Variants in CCDC141 observed in about 807,000 individuals in gnomAD.
CCDC141 encodes coiled-coil domain-containing protein 141.
Under a neutral mutation model 181.0 loss-of-function variants are expected in CCDC141, and 168 were observed. That is an observed-to-expected ratio of 0.93 (90% CI 0.82 to 1.05). The LOEUF is 1.05. Among genes scored for constraint, CCDC141 ranks in the 50% least tolerant of loss-of-function variants. The pLI is 0.00. For missense variants in CCDC141, 1,902 were observed against 1,788.5 expected (o/e 1.06, Z -1.14); for synonymous variants, 666 against 642.3 (o/e 1.04, Z -0.56).
intron 11 of CCDC141, among the ~76,000 whole-genome samples, chr2:178,884,325 G>C (rs7578159): frequency 0.32 from 48,123 of 151,212 alleles, 9,022 homozygotes; most frequent in East Asian, 0.67. Context: ...ATCACACACA[G>C]AAAAACTGCT....
At chr2:178,847,472 C>T (rs1270063603) in intron 21 of CCDC141, among the ~76,000 whole-genome samples, 7 of 152,004 alleles carry the variant, frequency 4.6e-5, no homozygotes, top group Admixed American at 1.3e-4. Flanking sequence ...TCGAGGCTGC[C>T]GTGAGCCATG....
intron 11 of CCDC141, among the ~76,000 whole-genome samples, chr2:178,883,056 T>C (rs1686703569): frequency 6.6e-6 from 1 of 152,166 alleles, no homozygotes. Context: ...TTGATTAAAT[T>C]GTTGTTTGCA....
At chr2:178,909,883 C>T (rs1049654103) in intron 7 of CCDC141, among the ~76,000 whole-genome samples, 9 of 152,052 alleles carry the variant, frequency 5.9e-5, no homozygotes, top group South Asian at 2.1e-4. Flanking sequence ...AAACCTTATA[C>T]GTGCAAGTCA....
In CCDC141 at chr2:179,049,828, T is replaced by C. The variant is rs143681328; in HGVS notation, c.102+12A>G. 1.4e-4 allele frequency: 217 copies of C among 1,550,622 alleles called. No homozygotes were observed. In the African/African-American group the frequency reaches 2.6e-3, roughly 19 times the overall value. On this transcript the variant is annotated intron_variant, in intron 1 of 23. Transcript: ENST00000443758. ...CCACAGCCGCACAGAAAAAAGGAAG[T>C]TGTTAGCTTACCTTTATGACAGCTA...
rs554714800 is a variant in CCDC141, at chr2:178,929,782, A to G, written c.898-10875T>C. ...TTCATTGTGCAATTATTTCCCTCAT[A>G]ACCTTTGTTATCCAAAAGGGAGCCC... On this transcript the variant is annotated intron_variant, in intron 6 of 23. Coordinates refer to ENST00000443758, the MANE Select transcript of CCDC141 (RefSeq NM_173648.4). 5.3e-5 allele frequency among the ~76,000 whole-genome samples: 8 copies of G among 152,218 alleles called. No individual in the cohort carries two copies. In the South Asian group the frequency reaches 8.3e-4, roughly 16 times the overall value.
chr2:178,995,843 T>G (rs1053017114), intron 2 of CCDC141, among the ~76,000 whole-genome samples: 2 of 152,216 alleles, frequency 1.3e-5, no homozygotes, highest in Admixed American at 1.3e-4. Flanking sequence ...GATATTTGAT[T>G]CTTGTGTGAC....
At chr2:178,969,104 CAAAAAAA>C (rs55999054) in intron 4 of CCDC141, among the ~76,000 whole-genome samples, 2 of 51,172 alleles carry the variant, frequency 3.9e-5, no homozygotes, top group East Asian at 6.6e-4. Context: ...GCTTACCAAC[CAAAAAAA>C]AAAAAAAAAA....
At chr2:178,963,573 C>T (rs1690497229) in intron 4 of CCDC141, among the ~76,000 whole-genome samples, 1 of 151,758 alleles carries the variant, frequency 6.6e-6, no homozygotes, top group African/African-American at 2.4e-5. Flanking sequence ...GGGATGCACT[C>T]AACTACAGCA....
At chr2:178,835,562 G>A (rs1684442935) in intron 23 of CCDC141, among the ~76,000 whole-genome samples, 1 of 152,150 alleles carries the variant, frequency 6.6e-6, no homozygotes, top group African/African-American at 2.4e-5. Context: ...GGTATCCTAA[G>A]AATGTATGAT....
rs2043627339 is a variant in CCDC141, at chr2:179,049,966, C to T, written c.-25G>A. 6.5e-7 allele frequency: 1 copy of T among 1,550,288 alleles called. No individual in the cohort carries two copies. Among genetic ancestry groups the T allele is most frequent in the Non-Finnish European group, 8.7e-7 (1 of 1,146,776 alleles). ...TGGTACTTTAGAACCAGAGTTTATA[C>T]TTTGGGCAGCCTCTGGACAGTTGTG... On this transcript the variant is annotated 5_prime_UTR_variant, in exon 1 of 24. Transcript: ENST00000443758.
chr2:178,865,173 C>T (rs552889977), intron 17 of CCDC141, among the ~76,000 whole-genome samples: 35 of 152,216 alleles, frequency 2.3e-4, no homozygotes, highest in Non-Finnish European at 4.9e-4. Context: ...TCACTTTGAT[C>T]TGTTATTTCT....
intron 2 of CCDC141, among the ~76,000 whole-genome samples, chr2:178,984,071 T>C (rs1314913185): frequency 1.3e-5 from 2 of 151,898 alleles, no homozygotes; most frequent in East Asian, 3.9e-4. Flanking sequence ...GAGAGAAAGG[T>C]CGGGTTACCC....
At position 178,832,858 on chromosome 2, in the gene CCDC141, C is replaced by T. The variant is rs1461736989; in HGVS notation, c.*1315G>A. ...TTAAAATCTAAGAAGCAAATGCTTC[C>T]CTACTTCAAGCTTATTTTTAAAAGG... On this transcript the variant is annotated 3_prime_UTR_variant, in exon 24 of 24. Coordinates refer to ENST00000443758, the MANE Select transcript of CCDC141 (RefSeq NM_173648.4). 4 of 151,994 alleles carry T rather than the reference C, an allele frequency of 2.6e-5. No individual in the cohort carries two copies. The highest frequency in any genetic ancestry group is 4.4e-5 in the Non-Finnish European group (3 of 67,992). 9.4% of individuals were successfully genotyped at this position (151,994 alleles called of 1,614,324 possible). A position where few individuals can be genotyped will look rare whatever the true frequency, so the allele number is the denominator to read the frequency against.
intron 2 of CCDC141, among the ~76,000 whole-genome samples, chr2:179,035,015 A>C (rs549577393): frequency 1.3e-5 from 2 of 152,294 alleles, no homozygotes; most frequent in East Asian, 3.9e-4. Context: ...AGGACAGTTC[A>C]AATATCAGTT....
chr2:178,909,079 T>C (rs754290712), intron 7 of CCDC141, among the ~76,000 whole-genome samples: 49 of 152,334 alleles, frequency 3.2e-4, no homozygotes, highest in Middle Eastern at 3.4e-3. Context: ...GGTCTCATCT[T>C]TATTGGAATT....
chr2:179,015,379 A>ATCTCATATATGTATCATATATC (rs1262987933), intron 2 of CCDC141, among the ~76,000 whole-genome samples: 2,851 of 127,528 alleles, frequency 0.022, 236 homozygotes, highest in African/African-American at 0.09. Context: ...TATCATATAT[A>ATCTCATATATGTATCATATATC]TCTCATATAT....
rs1689659475 is a variant in CCDC141 at position 178,944,705 on chromosome 2, G to A, written c.781-54C>T. The A allele has an allele frequency of 5.4e-6, 4 of 738,820 alleles. No homozygotes were observed. The African/African-American group carries it at 5.4e-5, about 10-fold the overall frequency. 45.8% of individuals were successfully genotyped at this position (738,820 alleles called of 1,614,324 possible). The stretch of plus-strand genomic sequence containing the variant: ...AAATTCAAATGATCAGAATAAGTGA[G>A]TAAAAATTCAGAAATAGTCCCTCAA... On this transcript the variant is annotated intron_variant, in intron 5 of 23. Coordinates refer to ENST00000443758, the MANE Select transcript of CCDC141 (RefSeq NM_173648.4).
chr2:178,956,651 T>C (rs1451883176), intron 5 of CCDC141, among the ~76,000 whole-genome samples: 1 of 152,218 alleles, frequency 6.6e-6, no homozygotes, highest in Non-Finnish European at 1.5e-5. Flanking sequence ...GTTTATTGAC[T>C]GATTATATTT....
At chr2:179,014,219 T>C (rs2042359205) in intron 2 of CCDC141, among the ~76,000 whole-genome samples, 1 of 152,016 alleles carries the variant, frequency 6.6e-6, no homozygotes, top group Non-Finnish European at 1.5e-5. Flanking sequence ...GGCTAGCCAA[T>C]GTAGGAGAAT....
Sources: gnomAD v4.1 joint callset for allele counts (sites outside exome capture counted in the v4.1 genomes callset) on GRCh38, gnomAD v4.1.1 for gene constraint, MANE v1.5 for transcripts, NCBI Gene and HGNC (gene_info 2026-07-23, HGNC 2026-07-21) for gene names.